PLXDC2: variants seen among roughly 807,000 people sequenced by gnomAD.
PLXDC2 encodes plexin domain-containing protein 2.
Under a neutral mutation model 68.9 loss-of-function variants are expected in PLXDC2, and 40 were observed. That is an observed-to-expected ratio of 0.58 (90% CI 0.45 to 0.76). PLXDC2 has a LOEUF of 0.76. Ranked by LOEUF, PLXDC2 falls within the 30% of genes least tolerant of loss-of-function variation. The pLI is 0.00. For missense variants in PLXDC2, 644 were observed against 661.9 expected, an observed-to-expected ratio of 0.97 and a Z score of 0.30; for synonymous variants, 243 against 234.2, an observed-to-expected ratio of 1.04 and a Z score of -0.34.
At chr10:20,103,310 G>A (rs1296870902) in intron 4 of PLXDC2, among the ~76,000 whole-genome samples, 1 of 152,142 alleles carries the variant, frequency 6.6e-6, no homozygotes, top group African/African-American at 2.4e-5. Context: ...TTTTAATACT[G>A]TTTTATGGAA....
chr10:20,238,662 A>AAAATATATATATAT (rs1175526348), intron 12 of PLXDC2, among the ~76,000 whole-genome samples: 2 of 31,726 alleles, frequency 6.3e-5, no homozygotes, highest in Non-Finnish European at 1.5e-4. Flanking sequence ...TCTCAAAAAA[A>AAAATATATATATAT]ATATATATAT....
intron 1 of PLXDC2, among the ~76,000 whole-genome samples, chr10:19,910,807 G>A (rs1280628070): frequency 1.3e-5 from 2 of 151,690 alleles, no homozygotes; most frequent in African/African-American, 2.4e-5. Flanking sequence ...TCAGGCATCC[G>A]GGACCAGCCT....
chr10:19,930,728 C>T (rs1296225769), intron 1 of PLXDC2, among the ~76,000 whole-genome samples: 1 of 152,054 alleles, frequency 6.6e-6, no homozygotes, highest in Non-Finnish European at 1.5e-5. Context: ...TTTGGGAGGC[C>T]GAGGTGGGTG....
chr10:19,819,061 CACAA>C (rs1836413246), intron 1 of PLXDC2, among the ~76,000 whole-genome samples: 2 of 151,368 alleles, frequency 1.3e-5, no homozygotes, highest in Non-Finnish European at 1.5e-5. Context: ...CACACACACA[CACAA>C]TACACACACA....
chr10:20,211,277 A>G (rs544855695), intron 9 of PLXDC2, among the ~76,000 whole-genome samples: 2 of 150,540 alleles, frequency 1.3e-5, no homozygotes, highest in African/African-American at 2.4e-5. Context: ...ACCTGAAATC[A>G]TGAAATACAA....
At chr10:19,954,806 C>T (rs942943572) in intron 1 of PLXDC2, among the ~76,000 whole-genome samples, 2 of 152,140 alleles carry the variant, frequency 1.3e-5, no homozygotes, top group African/African-American at 2.4e-5. Flanking sequence ...ACAATTTAAG[C>T]AGTCAGCAAA....
intron 1 of PLXDC2, among the ~76,000 whole-genome samples, chr10:19,825,701 G>T (rs750948487): frequency 2.0e-5 from 3 of 152,170 alleles, no homozygotes; most frequent in Non-Finnish European, 4.4e-5. Context: ...AGCATGAAAT[G>T]TACCAATAAT....
intron 12 of PLXDC2, among the ~76,000 whole-genome samples, chr10:20,226,406 C>T (rs1289076437): frequency 6.6e-6 from 1 of 152,118 alleles, no homozygotes; most frequent in Non-Finnish European, 1.5e-5. Context: ...ATTGGACACC[C>T]CTGATTTAAG....
At chr10:19,921,636 C>G (rs915077029) in intron 1 of PLXDC2, among the ~76,000 whole-genome samples, 4 of 152,194 alleles carry the variant, frequency 2.6e-5, no homozygotes, top group Non-Finnish European at 5.9e-5. Context: ...GTTATGATTA[C>G]AATTTCCCTC....
rs74730694 is a variant in PLXDC2, at chr10:19,841,142, G to A, written c.112+23951G>A. ...AATCCTTCTCTTCAAATCTTACATCGTTTTCAAAGTGATTTCATTTCTTGT... is the reference window on the plus strand; with the variant it reads ...AATCCTTCTCTTCAAATCTTACATCATTTTCAAAGTGATTTCATTTCTTGT... On this transcript the variant is annotated intron_variant, in intron 1 of 13. Coordinates refer to ENST00000377252, the MANE Select transcript of PLXDC2 (RefSeq NM_032812.9). Among the ~76,000 whole-genome samples the A allele has an allele frequency of 2.9e-3, 435 of 152,160 alleles. 9 individuals are homozygous for A. In the East Asian group the frequency reaches 0.053, roughly 19 times the overall value.
At chr10:19,869,732 C>T (rs747395825) in intron 1 of PLXDC2, among the ~76,000 whole-genome samples, 11 of 151,754 alleles carry the variant, frequency 7.2e-5, no homozygotes, top group African/African-American at 1.7e-4. Context: ...TCTTATTTAA[C>T]GTAATAACAA....
In PLXDC2 at chr10:20,009,766, A is replaced by G. The variant is rs1412847787; in HGVS notation, c.324+7780A>G. ...GATAGCGTGTTTTACACAGATAACCAGGAGCAAGATTTTAAACTTCATTGT... is the reference window on the plus strand; with the variant it reads ...GATAGCGTGTTTTACACAGATAACCGGGAGCAAGATTTTAAACTTCATTGT... On this transcript the variant is annotated intron_variant, in intron 2 of 13. Coordinates refer to ENST00000377252, the MANE Select transcript of PLXDC2 (RefSeq NM_032812.9). Among the ~76,000 whole-genome samples, 7 of 149,908 alleles carry G rather than the reference A, an allele frequency of 4.7e-5. No homozygotes were observed. In the Admixed American group the frequency reaches 4.7e-4, roughly 10 times the overall value.
At chr10:20,185,476 A>C (rs746253058) in intron 9 of PLXDC2, among the ~76,000 whole-genome samples, 5 of 151,958 alleles carry the variant, frequency 3.3e-5, no homozygotes, top group Non-Finnish European at 7.4e-5. Context: ...TAATTTAGCT[A>C]TAAGAATTTT....
chr10:19,983,199 A>T (rs2131621581), intron 1 of PLXDC2, among the ~76,000 whole-genome samples: 1 of 152,272 alleles, frequency 6.6e-6, no homozygotes, highest in East Asian at 1.9e-4. Flanking sequence ...ACTTCTAATT[A>T]TCGGTAGTAG....
At chr10:19,853,659 G>T (rs1167014300) in intron 1 of PLXDC2, among the ~76,000 whole-genome samples, 1 of 143,908 alleles carries the variant, frequency 6.9e-6, no homozygotes, top group Non-Finnish European at 1.5e-5. Flanking sequence ...GGGTGGGGGG[G>T]GGGTTGCAAT....
intron 1 of PLXDC2, among the ~76,000 whole-genome samples, chr10:19,970,982 A>G (rs1037905231): frequency 9.9e-5 from 15 of 152,236 alleles, no homozygotes; most frequent in Non-Finnish European, 2.2e-4. Flanking sequence ...TCTAAAAAGC[A>G]TAAAATCCCA....
chr10:20,125,492 A>G (rs1833760888), intron 4 of PLXDC2, among the ~76,000 whole-genome samples: 1 of 152,152 alleles, frequency 6.6e-6, no homozygotes, highest in South Asian at 2.1e-4. Context: ...AGACTACTAA[A>G]ACATCTGAGA....
chr10:19,969,383 C>A (rs768545011), intron 1 of PLXDC2, among the ~76,000 whole-genome samples: 2 of 152,166 alleles, frequency 1.3e-5, no homozygotes, highest in Non-Finnish European at 1.5e-5. Flanking sequence ...TGTTACCAAC[C>A]TTTCTGACAT....
intron 4 of PLXDC2, among the ~76,000 whole-genome samples, chr10:20,126,434 C>G (rs146445884): frequency 0.62 from 13,031 of 21,002 alleles, 4,422 homozygotes; most frequent in East Asian, 0.76. Flanking sequence ...TATGTATATA[C>G]AACACACGTT....
Sources: allele counts gnomAD v4.1 joint callset (sites outside exome capture counted in the v4.1 genomes callset), GRCh38; gene constraint gnomAD v4.1.1; transcripts MANE v1.5; gene names NCBI Gene and HGNC (gene_info 2026-07-23, HGNC 2026-07-21).